CCDC171: variants seen among roughly 807,000 people sequenced by gnomAD.
CCDC171 encodes the protein coiled-coil domain-containing protein 171.
CCDC171 carries 177 observed loss-of-function variants against 168.2 expected under a neutral mutation model. That is an observed-to-expected ratio of 1.05 (90% confidence interval 0.93 to 1.19). CCDC171 has a LOEUF of 1.19. Ranked by LOEUF, CCDC171 falls within the 50% of genes most tolerant of loss-of-function variation. The pLI, the probability that CCDC171 is intolerant of heterozygous loss-of-function variation, is 0.00. For missense variants in CCDC171, 1,991 were observed against 1,539.0 expected, an observed-to-expected ratio of 1.29 and a Z score of -4.91; for synonymous variants, 687 against 540.8, an observed-to-expected ratio of 1.27 and a Z score of -3.75.
intron 24 of CCDC171, among the ~76,000 whole-genome samples, chr9:15,885,106 AT>A (rs1356863082): frequency 1.3e-5 from 2 of 152,242 alleles, no homozygotes; most frequent in Non-Finnish European, 2.9e-5. Context: ...ATTTTGAAAC[AT>A]TTTGTCACCT....
chr9:16,088,487 A>T, the CCDC171 span, among the ~76,000 whole-genome samples: 2 of 152,204 alleles, frequency 1.3e-5, no homozygotes, highest in Non-Finnish European at 2.9e-5. Context: ...TCTCAGCCCA[A>T]AATCTCCTTA....
At chr9:15,969,687 A>G (rs1321720040) in intron 25 of CCDC171, among the ~76,000 whole-genome samples, 1 of 152,180 alleles carries the variant, frequency 6.6e-6, no homozygotes, top group African/African-American at 2.4e-5. Flanking sequence ...GGCTATAACT[A>G]TGTTTATTAA....
At chr9:15,663,666 C>T (rs555143782) in intron 8 of CCDC171, among the ~76,000 whole-genome samples, 3 of 146,662 alleles carry the variant, frequency 2.0e-5, no homozygotes, top group African/African-American at 5.1e-5. Context: ...AGTGCAGTGG[C>T]GCGATCTTGG....
chr9:15,855,761 C>T (rs558343890), intron 23 of CCDC171, among the ~76,000 whole-genome samples: 11 of 151,820 alleles, frequency 7.2e-5, no homozygotes, highest in Non-Finnish European at 1.5e-4. Flanking sequence ...TAATTCAAAA[C>T]AATCTTGTTT....
At chr9:16,012,475 G>T (rs1438529763) in intron 3 of CCDC171, among the ~76,000 whole-genome samples, 1 of 151,740 alleles carries the variant, frequency 6.6e-6, no homozygotes, top group Non-Finnish European at 1.5e-5. Context: ...TGTGTCTTAA[G>T]TGTTGTTAAT....
intron 20 of CCDC171, among the ~76,000 whole-genome samples, chr9:15,784,041 A>G (rs1187937837): frequency 6.6e-6 from 1 of 152,158 alleles, no homozygotes; most frequent in Non-Finnish European, 1.5e-5. Context: ...ACAAGATGGT[A>G]TAATAGAGTG....
intron 7 of CCDC171, among the ~76,000 whole-genome samples, chr9:15,646,375 T>C (rs2047038866): frequency 1.3e-5 from 2 of 152,174 alleles, no homozygotes; most frequent in South Asian, 4.1e-4. Context: ...AACATCATAA[T>C]GACAGGATCA....
intron 25 of CCDC171, chr9:15,922,068 AC>A (rs1564005374): frequency 3.9e-6 from 1 of 257,206 alleles, no homozygotes; most frequent in Admixed American, 3.2e-5. Context: ...TCATACCAAA[AC>A]TCTACTTTTC....
At chr9:15,984,933 C>T (rs936695097) in intron 3 of CCDC171, among the ~76,000 whole-genome samples, 2 of 151,916 alleles carry the variant, frequency 1.3e-5, no homozygotes, top group African/African-American at 4.8e-5. Flanking sequence ...TGAAGTATTT[C>T]TATATGAAAG....
At chr9:15,590,401 T>G (rs1028594988) in intron 4 of CCDC171, among the ~76,000 whole-genome samples, 1 of 152,238 alleles carries the variant, frequency 6.6e-6, no homozygotes, top group African/African-American at 2.4e-5. Context: ...GGGACATTCT[T>G]ATTTCTAGTG....
chr9:15,628,845 C>T (rs932865962), intron 7 of CCDC171, among the ~76,000 whole-genome samples: 4 of 152,150 alleles, frequency 2.6e-5, no homozygotes, highest in East Asian at 3.9e-4. Flanking sequence ...TCCAGAGGAA[C>T]GATCAGACAG....
chr9:15,792,395 C>T (rs932677301), intron 21 of CCDC171, among the ~76,000 whole-genome samples: 1 of 152,172 alleles, frequency 6.6e-6, no homozygotes, highest in Admixed American at 6.5e-5. Flanking sequence ...TTGGAAAACA[C>T]TCTTCAGGAT....
intron 25 of CCDC171, among the ~76,000 whole-genome samples, chr9:15,968,303 C>G (rs1306608399): frequency 6.6e-6 from 1 of 152,070 alleles, no homozygotes; most frequent in Admixed American, 6.5e-5. Flanking sequence ...TTTATATGAC[C>G]ATGGACTTTA....
chr9:16,004,179 C>T (rs1832635165), intron 3 of CCDC171, among the ~76,000 whole-genome samples: 1 of 151,514 alleles, frequency 6.6e-6, no homozygotes, highest in South Asian at 2.1e-4. Context: ...TCCAGTTTGC[C>T]TTTCAACACT....
At chr9:15,971,119 G>A (rs1036576796) in intron 25 of CCDC171, among the ~76,000 whole-genome samples, 1 of 152,096 alleles carries the variant, frequency 6.6e-6, no homozygotes, top group African/African-American at 2.4e-5. Context: ...ACTGGGATTG[G>A]CTTATTTTAC....
chr9:15,823,778 T>C (rs1199476355), intron 21 of CCDC171, among the ~76,000 whole-genome samples: 1 of 152,098 alleles, frequency 6.6e-6, no homozygotes, highest in Non-Finnish European at 1.5e-5. Flanking sequence ...GTATTTTATA[T>C]TGAAAAAAAT....
At chr9:15,718,554 T>C (rs1025488176) in intron 11 of CCDC171, among the ~76,000 whole-genome samples, 5 of 152,260 alleles carry the variant, frequency 3.3e-5, no homozygotes, top group African/African-American at 1.2e-4. Context: ...AGGTTTGACC[T>C]AGTGCAGTCC....
chr9:15,779,297 C>G (rs2057526306), intron 20 of CCDC171, 147 bp downstream of exon 20: 1 of 483,852 alleles, frequency 2.1e-6, no homozygotes. Context: ...CAGAAAACTT[C>G]CTGTCTAAAA....
At chr9:15,694,336 A>G (rs2051050281) in intron 10 of CCDC171, among the ~76,000 whole-genome samples, 1 of 151,672 alleles carries the variant, frequency 6.6e-6, no homozygotes, top group African/African-American at 2.4e-5. Context: ...CACCTCCCAT[A>G]TTTTTCTACT....
Sources: allele counts gnomAD v4.1 joint callset (sites outside exome capture counted in the v4.1 genomes callset), GRCh38; gene constraint gnomAD v4.1.1; transcripts MANE v1.5; gene names NCBI Gene and HGNC (gene_info 2026-07-23, HGNC 2026-07-21).